MALRD1: variants seen among roughly 807,000 people sequenced by gnomAD.
MALRD1 encodes MAM and LDL-receptor class A domain-containing protein 1.
A neutral mutation model predicts 242.1 loss-of-function variants in MALRD1; 247 were observed. The observed-to-expected ratio is 1.02, with a 90% CI of 0.92 to 1.13. The LOEUF is 1.13. Among genes scored for constraint, MALRD1 ranks in the 50% most tolerant of loss-of-function variants. MALRD1 has a pLI of 0.00. For synonymous variants in MALRD1, 995 were observed against 866.6 expected (o/e 1.15, Z -2.60); for missense variants, 2,989 against 2,533.1 (o/e 1.18, Z -3.86).
chr10:19,073,720 G>A (rs1835229986), intron 2 of MALRD1, among the ~76,000 whole-genome samples: 1 of 152,024 alleles, frequency 6.6e-6, no homozygotes, highest in African/African-American at 2.4e-5. Flanking sequence ...AACACTTCTG[G>A]TCCCAAGCAT....
intron 9 of MALRD1, among the ~76,000 whole-genome samples, chr10:19,134,370 A>C (rs1054037427): frequency 6.6e-6 from 1 of 152,270 alleles, no homozygotes; most frequent in Admixed American, 6.5e-5. Context: ...CATATGAAAC[A>C]TACATAGGCT....
chr10:19,493,193 T>A (rs1837566002), intron 30 of MALRD1: 1 of 152,074 alleles, frequency 6.6e-6, no homozygotes, highest in Non-Finnish European at 1.5e-5. Flanking sequence ...GTAACCACCC[T>A]TCTCCTCTCC....
intron 28 of MALRD1, among the ~76,000 whole-genome samples, chr10:19,394,502 G>A (rs546141022): frequency 3.3e-5 from 5 of 152,274 alleles, no homozygotes; most frequent in Admixed American, 6.5e-5. Context: ...CTTTGATTAC[G>A]TAAAAGACTG....
intron 24 of MALRD1, among the ~76,000 whole-genome samples, chr10:19,335,713 G>A (rs1316787199): frequency 6.6e-6 from 1 of 152,090 alleles, no homozygotes; most frequent in Non-Finnish European, 1.5e-5. Context: ...CTTTGAAAAT[G>A]TGATTAGGTA....
chr10:19,065,338 G>GAGAA (rs920800734), intron 1 of MALRD1, among the ~76,000 whole-genome samples: 2 of 145,416 alleles, frequency 1.4e-5, no homozygotes, highest in Non-Finnish European at 3.0e-5. Context: ...GAAAGCAAGC[G>GAGAA]AGAAAGAAAG....
chr10:19,602,224 C>G (rs1417864551), intron 34 of MALRD1, among the ~76,000 whole-genome samples: 1 of 73,446 alleles, frequency 1.4e-5, no homozygotes, highest in East Asian at 4.3e-4. Flanking sequence ...ACTTTAAGTT[C>G]TGGGGTGCAC....
chr10:19,251,114 A>AG (rs1839275630), intron 18 of MALRD1, among the ~76,000 whole-genome samples: 1 of 151,856 alleles, frequency 6.6e-6, no homozygotes, highest in Admixed American at 6.6e-5. Flanking sequence ...TTATAAAGGG[A>AG]GGGGAGGCTG....
At chr10:19,086,902 T>C (rs768760259) in intron 2 of MALRD1, among the ~76,000 whole-genome samples, 1 of 152,130 alleles carries the variant, frequency 6.6e-6, no homozygotes, top group Non-Finnish European at 1.5e-5. Flanking sequence ...TCTGTTCCCA[T>C]ACATCTTTCT....
At chr10:19,618,155 T>C (rs1839248343) in intron 36 of MALRD1, among the ~76,000 whole-genome samples, 1 of 152,056 alleles carries the variant, frequency 6.6e-6, no homozygotes, top group Non-Finnish European at 1.5e-5. Context: ...GCAAAGGACA[T>C]GAATCTAATT....
At chr10:19,164,412 G>A (rs1384617683) in intron 12 of MALRD1, among the ~76,000 whole-genome samples, 1 of 152,070 alleles carries the variant, frequency 6.6e-6, no homozygotes, top group Non-Finnish European at 1.5e-5. Flanking sequence ...AATGATGAAT[G>A]GGAAAACATT....
At chr10:19,097,098 A>G (rs1186690110) in intron 4 of MALRD1, among the ~76,000 whole-genome samples, 2 of 152,216 alleles carry the variant, frequency 1.3e-5, no homozygotes, top group Admixed American at 1.3e-4. Context: ...TGTGTAAGGC[A>G]CTATGTTTAC....
At chr10:19,229,885 G>T (rs1243803202) in intron 18 of MALRD1, among the ~76,000 whole-genome samples, 1 of 152,092 alleles carries the variant, frequency 6.6e-6, no homozygotes, top group African/African-American at 2.4e-5. Context: ...GTCTGATATG[G>T]CTTGGCTGTG....
At chr10:19,466,590 C>G (rs1202518473) in intron 29 of MALRD1, among the ~76,000 whole-genome samples, 1 of 152,140 alleles carries the variant, frequency 6.6e-6, no homozygotes, top group Non-Finnish European at 1.5e-5. Context: ...GGCCTCTCTC[C>G]ACGGCTTGAA....
chr10:19,148,780 A>ATATATATATATATATATAT (rs1554797928), intron 11 of MALRD1, among the ~76,000 whole-genome samples: 1 of 72,128 alleles, frequency 1.4e-5, no homozygotes, highest in African/African-American at 5.1e-5. Context: ...AATTAAAAAA[A>ATATATATATATATATATAT]AAAAAAAAAT....
chr10:19,175,299 C>T lies in MALRD1; in HGVS notation c.1922C>T (p.Ser641Leu). Residue 641 changes from serine to leucine, a missense_variant, in exon 14 of 40, where the codon TCA becomes TTA. By Grantham distance (145) the Ser-to-Leu change is moderately radical. Transcript: ENST00000454679. ...VSQECEISYK[S>L]LPRTSTQSKF... The stretch of plus-strand genomic sequence containing the variant: ...CAGGAATGTGAAATTTCCTATAAAT[C>T]ACTACCAAGGACCAGTACACAAAGC... The T allele has an allele frequency of 8.1e-7, 1 of 1,230,466 alleles. No individual in the cohort carries two copies. The highest frequency in any genetic ancestry group is 1.0e-6 in the Non-Finnish European group (1 of 987,284). The allele number at this position is 1,230,466 out of a possible 1,614,324, so 76.2% of individuals were successfully genotyped here.
chr10:19,685,372 T>G (rs1589398489), intron 36 of MALRD1, among the ~76,000 whole-genome samples: 1 of 152,208 alleles, frequency 6.6e-6, no homozygotes, highest in Admixed American at 6.5e-5. Context: ...TCTGGTAGAG[T>G]ATCTTGTACA....
intron 38 of MALRD1, among the ~76,000 whole-genome samples, chr10:19,713,702 A>G (rs975396224): frequency 6.6e-6 from 1 of 152,222 alleles, no homozygotes; most frequent in Non-Finnish European, 1.5e-5. Flanking sequence ...ATATAGAGCA[A>G]TCTAGTTGGA....
chr10:19,239,014 T>C (rs116963456), intron 18 of MALRD1, among the ~76,000 whole-genome samples: 2 of 152,014 alleles, frequency 1.3e-5, no homozygotes, highest in East Asian at 3.9e-4. Flanking sequence ...GTCTTGACCA[T>C]TTCTATATTT....
intron 26 of MALRD1, among the ~76,000 whole-genome samples, chr10:19,370,867 G>C (rs568160992): frequency 3.5e-3 from 525 of 152,130 alleles, no homozygotes; most frequent in Non-Finnish European, 4.6e-3. Flanking sequence ...ATGAGCCACT[G>C]CACCAGGCCC....
Sources: allele counts gnomAD v4.1 joint callset (sites outside exome capture counted in the v4.1 genomes callset), GRCh38; gene constraint gnomAD v4.1.1; transcripts MANE v1.5; gene names NCBI Gene and HGNC (gene_info 2026-07-23, HGNC 2026-07-21).